ACTR3C: variants seen among roughly 807,000 people sequenced by gnomAD.
The protein encoded by ACTR3C is actin-related protein 3C.
ACTR3C carries 18 observed loss-of-function variants against 26.3 expected under a neutral mutation model. That is an observed-to-expected ratio of 0.68 (90% CI 0.47 to 1.01). The LOEUF is 1.01. ACTR3C is among the 50% of genes least tolerant of loss of function. The pLI is 0.00. For synonymous variants in ACTR3C, 55 were observed against 94.5 expected (o/e 0.58, Z 2.42); for missense variants, 184 against 250.7 (o/e 0.73, Z 1.80).
chr7:149,937,666 C>G, the ACTR3C span, among the ~76,000 whole-genome samples: 1 of 152,112 alleles, frequency 6.6e-6, no homozygotes, highest in Non-Finnish European at 1.5e-5. Context: ...ACCGAAGTAC[C>G]TGGCGAGGAT....
chr7:150,041,018 CG>C, the ACTR3C span, among the ~76,000 whole-genome samples: 10 of 150,150 alleles, frequency 6.7e-5, no homozygotes, highest in Admixed American at 6.6e-4. Flanking sequence ...CGTAGGCTAC[CG>C]GCCTCAGCCA....
At chr7:150,303,222 C>A (rs1248822107) in intron 1 of ACTR3C, among the ~76,000 whole-genome samples, 2 of 152,214 alleles carry the variant, frequency 1.3e-5, no homozygotes, top group Admixed American at 1.3e-4. Flanking sequence ...CTGAGGTAGA[C>A]TCAAGTCGTA....
chr7:150,125,225 T>TA, the ACTR3C span, among the ~76,000 whole-genome samples: 1,135 of 143,344 alleles, frequency 7.9e-3, 11 homozygotes, highest in African/African-American at 0.022. Context: ...TCTACCAAGT[T>TA]AAAAAAAAAA....
the ACTR3C span, among the ~76,000 whole-genome samples, chr7:150,041,871 AG>A: frequency 5.3e-5 from 3 of 56,552 alleles, no homozygotes; most frequent in Non-Finnish European, 8.3e-5. Flanking sequence ...CACTCTCGTG[AG>A]GGTTGCCTCC....
the ACTR3C span, among the ~76,000 whole-genome samples, chr7:149,975,100 C>A: frequency 6.6e-6 from 1 of 152,180 alleles, no homozygotes; most frequent in Admixed American, 6.5e-5. Flanking sequence ...ACATGTCCCC[C>A]CAGTGCACCT....
the ACTR3C span, among the ~76,000 whole-genome samples, chr7:149,934,003 C>T: frequency 1.3e-5 from 2 of 150,556 alleles, no homozygotes; most frequent in Non-Finnish European, 3.0e-5. Context: ...TGTTAAGTTC[C>T]ACTCAATGCC....
chr7:150,293,290 A>G (rs1202607352), intron 3 of ACTR3C, 22 bp downstream of exon 3: 2 of 1,547,726 alleles, frequency 1.3e-6, no homozygotes, highest in South Asian at 2.4e-5. Context: ...ACAGAGACTT[A>G]TATATTAACT....
At chr7:150,021,721 T>C in the ACTR3C span, among the ~76,000 whole-genome samples, 1 of 150,634 alleles carries the variant, frequency 6.6e-6, no homozygotes, top group African/African-American at 2.5e-5. Context: ...CATACGATAC[T>C]TGGTTTTCCA....
the ACTR3C span, among the ~76,000 whole-genome samples, chr7:150,024,118 CCAGAGTCAGGGCTGT>C: frequency 3.3e-5 from 5 of 150,938 alleles, no homozygotes; most frequent in Admixed American, 2.6e-4. Flanking sequence ...GCGTCACAGA[CCAGAGTCAGGGCTGT>C]CAGAGAGGCC....
At chr7:150,295,684 C>T (rs1836690753) in intron 1 of ACTR3C, among the ~76,000 whole-genome samples, 1 of 150,054 alleles carries the variant, frequency 6.7e-6, no homozygotes, top group Non-Finnish European at 1.5e-5. Context: ...GCTATGAAAA[C>T]ACAACCAAGA....
At chr7:150,173,121 G>A in the ACTR3C span, among the ~76,000 whole-genome samples, 3 of 150,642 alleles carry the variant, frequency 2.0e-5, no homozygotes, top group Non-Finnish European at 2.9e-5. Context: ...TCTACTGGGT[G>A]GTGCCCTAGT....
chr7:150,243,740 G>A (rs4015651), downstream of ACTR3C, among the ~76,000 whole-genome samples: 116 of 149,708 alleles, frequency 7.7e-4, no homozygotes, highest in African/African-American at 2.8e-3. Flanking sequence ...TAGTTGTTAT[G>A]CCGGATTGTT....
chr7:150,068,413 A>G, the ACTR3C span, among the ~76,000 whole-genome samples: 1 of 152,102 alleles, frequency 6.6e-6, no homozygotes, highest in Non-Finnish European at 1.5e-5. Context: ...TCCTTGTCCC[A>G]GTTATCTGCC....
chr7:150,140,295 G>A, the ACTR3C span, among the ~76,000 whole-genome samples: 2 of 152,108 alleles, frequency 1.3e-5, no homozygotes, highest in Non-Finnish European at 2.9e-5. Flanking sequence ...GGCTCACTTG[G>A]GGTATGGCTA....
At chr7:150,283,220 A>G (rs1181233708) in intron 6 of ACTR3C, among the ~76,000 whole-genome samples, 4 of 149,288 alleles carry the variant, frequency 2.7e-5, no homozygotes, top group African/African-American at 7.7e-5. Context: ...TTAAGATTGA[A>G]CAGTGTTCCC....
chr7:150,103,532 T>C, the ACTR3C span, among the ~76,000 whole-genome samples: 1 of 151,870 alleles, frequency 6.6e-6, no homozygotes, highest in Non-Finnish European at 1.5e-5. Context: ...CGCCATGATT[T>C]CCACTATAGG....
At chr7:150,095,609 A>C in the ACTR3C span, among the ~76,000 whole-genome samples, 6 of 148,792 alleles carry the variant, frequency 4.0e-5, no homozygotes, top group East Asian at 1.2e-3. Flanking sequence ...TAGGTCATGA[A>C]ACAAAGTCCT....
chr7:150,196,446 A>G, the ACTR3C span, among the ~76,000 whole-genome samples: 1 of 152,150 alleles, frequency 6.6e-6, no homozygotes, highest in Non-Finnish European at 1.5e-5. Context: ...ATTTCCATTG[A>G]TTCCTGTCTT....
At chr7:150,160,109 T>C in the ACTR3C span, among the ~76,000 whole-genome samples, 3 of 152,174 alleles carry the variant, frequency 2.0e-5, no homozygotes, top group Admixed American at 6.5e-5. Context: ...GCAAGAAATA[T>C]TAATGCATTC....
Sources: gnomAD v4.1 joint callset for allele counts (sites outside exome capture counted in the v4.1 genomes callset) on GRCh38, gnomAD v4.1.1 for gene constraint, MANE v1.5 for transcripts, NCBI Gene and HGNC (gene_info 2026-07-23, HGNC 2026-07-21) for gene names.